The following CUL9 variants were observed in gnomAD, a reference collection of about 807,000 sequenced individuals.
The protein encoded by CUL9 is cullin 9, also known as cullin-9.
CUL9 carries 79 observed loss-of-function variants against 272.6 expected under a neutral mutation model. The ratio of observed to expected loss-of-function variants is 0.29; its 90% CI spans 0.24 to 0.35. The LOEUF (loss-of-function observed/expected upper bound fraction) is 0.35, where lower values mean the gene tolerates loss of function less well. Ranked by LOEUF, CUL9 falls within the 10% of genes least tolerant of loss-of-function variation. CUL9 has a pLI of 1.00. For synonymous variants in CUL9, 1,186 were observed against 1,286.5 expected, an observed-to-expected ratio of 0.92 and a Z score of 1.67; for missense variants, 2,532 against 3,255.6, an observed-to-expected ratio of 0.78 and a Z score of 5.41.
chr6:43,223,585 T>C lies in CUL9; in HGVS notation c.7284+188T>C. On this transcript the variant is annotated intron_variant, in intron 39 of 40. Coordinates refer to ENST00000252050, the MANE Select transcript of CUL9 (RefSeq NM_015089.4). The surrounding 1 kb of genome is among the most constrained non-coding windows in gnomAD (Gnocchi z 4.1). ...GCCTGATGCTGCTGGACCCTATCAC[T>C]TCACCTCCTGGGGATTCCTACAAAA... 1.4e-6 allele frequency: 1 copy of C among 694,426 alleles called. No individual in the cohort carries two copies. Among genetic ancestry groups the C allele is most frequent in the East Asian group, 2.7e-5 (1 of 36,428 alleles). The allele number at this position is 694,426 out of a possible 1,614,324, so 43.0% of individuals were successfully genotyped here. A position where few individuals can be genotyped will look rare whatever the true frequency, so the allele number is the denominator to read the frequency against.
chr6:43,217,221 G>A (rs1776010116), intron 31 of CUL9, among the ~76,000 whole-genome samples: 1 of 152,114 alleles, frequency 6.6e-6, no homozygotes, highest in East Asian at 1.9e-4. Context: ...GATGGGCATG[G>A]TGGTGCACAC....
In CUL9 at chr6:43,203,329, C is replaced by T; in HGVS notation, c.3850-88C>T. 1 of 1,594,798 alleles carries T rather than the reference C, an allele frequency of 6.3e-7. No homozygotes were observed. On this transcript the variant is annotated intron_variant, in intron 18 of 40. Coordinates refer to ENST00000252050, the MANE Select transcript of CUL9 (RefSeq NM_015089.4). The surrounding 1 kb of genome is among the most constrained non-coding windows in gnomAD (Gnocchi z 5.0). The stretch of plus-strand genomic sequence containing the variant: ...AGATGTGGGGATGTCCTGAGCAGTT[C>T]TAGGGAGCTCAGGGCAGGAGGCTTG...
chr6:43,198,833 A>G lies in CUL9; in HGVS notation c.3028A>G (p.Thr1010Ala). Residue 1010 changes from threonine (T) to alanine (A), a missense_variant, in exon 12 of 41, where the codon ACT (threonine) becomes GCT (alanine). Thr to Ala is a moderately conservative substitution (Grantham distance 58). This residue lies in a region of CUL9 where 2,218 missense variants were observed against 2,788.6 expected (regional missense o/e 0.80). Transcript: ENST00000252050. ...RTLDAPGPNK[T>A]LLLSVLRVIT... ...TCTGGATGCTCCGGGGCCCAACAAG[A>G]CTCTGCTGCTGTCTGTGCTGAGGTG... 1 of 1,612,760 alleles carries G rather than the reference A, an allele frequency of 6.2e-7. No homozygotes were observed. The highest frequency in any genetic ancestry group is 2.2e-5 in the East Asian group (1 of 44,836).
chr6:43,193,104 C>T lies in CUL9; in HGVS notation c.2284C>T (p.His762Tyr). The T allele has an allele frequency of 6.2e-7, 1 of 1,614,224 alleles. No homozygotes were observed. Among genetic ancestry groups the T allele is most frequent in the Non-Finnish European group, 8.5e-7 (1 of 1,180,042 alleles). ...LRLLYLLMTKHEWRPLFAREG... is the reference protein window; with the variant it reads ...LRLLYLLMTKYEWRPLFAREG... ...CCTCCTTTACCTGCTCATGACCAAG[C>T]ACGAGTGGCGGCCGCTCTTTGCCAG... The change falls in exon 9 of 41, where the codon CAC (histidine) becomes TAC (tyrosine). Residue 762 changes from histidine (H) to tyrosine (Y), a missense_variant. His to Tyr is a moderately conservative substitution (Grantham distance 83). Transcript: ENST00000252050.
intron 16 of CUL9, among the ~76,000 whole-genome samples, chr6:43,201,758 C>T (rs999119093): frequency 2.6e-5 from 4 of 152,178 alleles, no homozygotes; most frequent in African/African-American, 4.8e-5. Context: ...GGATTACAGG[C>T]GTGAACCACT....
intron 3 of CUL9, 46 bp downstream of exon 3, chr6:43,185,656 ATTAT>A (rs1562010381): frequency 6.4e-7 from 1 of 1,573,306 alleles, no homozygotes; most frequent in Non-Finnish European, 8.6e-7. Context: ...GGGCTAAGAC[ATTAT>A]TTATGAAAAC....
intron 8 of CUL9, among the ~76,000 whole-genome samples, 184 bp from the exon 9 acceptor site, chr6:43,192,817 G>C (rs1773648561): frequency 6.6e-6 from 1 of 152,218 alleles, no homozygotes; most frequent in South Asian, 2.1e-4. Flanking sequence ...GCCAGAGGCA[G>C]TTAGGCTGCA....
intron 11 of CUL9, among the ~76,000 whole-genome samples, chr6:43,197,760 G>T (rs1390123954): frequency 6.6e-6 from 1 of 152,220 alleles, no homozygotes. Flanking sequence ...GGGATTAGAG[G>T]CGTGAGCCAC....
At position 43,221,629 on chromosome 6, in the gene CUL9, C is replaced by G. The variant is rs1776373766; in HGVS notation, c.6753-56C>G. 6.5e-7 allele frequency: 1 copy of G among 1,527,104 alleles called. No homozygotes were observed. Among genetic ancestry groups the G allele is most frequent in the Non-Finnish European group, 9.0e-7 (1 of 1,107,956 alleles). 94.6% of individuals were successfully genotyped at this position (1,527,104 alleles called of 1,614,324 possible). ...GCGGTACATCTGGGCCCTTGGCATT[C>G]CTGGCACACCCCTGCCCAGAGGCAG... On this transcript the variant is annotated intron_variant, in intron 34 of 40. Coordinates refer to ENST00000252050, the MANE Select transcript of CUL9 (RefSeq NM_015089.4). The surrounding 1 kb of genome is among the most constrained non-coding windows in gnomAD (Gnocchi z 4.2).
intron 26 of CUL9, among the ~76,000 whole-genome samples, chr6:43,211,837 A>G (rs1394275597): frequency 6.6e-6 from 1 of 152,172 alleles, no homozygotes; most frequent in Non-Finnish European, 1.5e-5. Context: ...TCAAGTATTT[A>G]GAAATTTGCA....
chr6:43,194,715 A>G (rs1773845847), intron 9 of CUL9, among the ~76,000 whole-genome samples: 1 of 152,250 alleles, frequency 6.6e-6, no homozygotes, highest in South Asian at 2.1e-4. Context: ...AAATTACGTG[A>G]CCAAAACATA....
In CUL9 at chr6:43,221,363, G is replaced by A. The variant is rs115394590; in HGVS notation, c.6752+42G>A. The A allele has an allele frequency of 1.9e-6, 3 of 1,541,268 alleles. No individual in the cohort carries two copies. The highest frequency in any genetic ancestry group is 3.9e-5 in the Admixed American group (2 of 51,840). On this transcript the variant is annotated intron_variant, in intron 34 of 40. Transcript: ENST00000252050. This position sits in a 1 kb window ranked among gnomAD's most constrained non-coding sequence, Gnocchi z 4.2. ...TGTGGGGAGCCAGAGGGCAAGGAGG[G>A]GGGAGGAGGCCTGGCAGAAGGAGGG...
intron 26 of CUL9, among the ~76,000 whole-genome samples, chr6:43,207,499 A>G (rs1276435627): frequency 6.6e-6 from 1 of 152,106 alleles, no homozygotes; most frequent in African/African-American, 2.4e-5. Flanking sequence ...GTCATATTCC[A>G]TTGTATGGAT....
Position 43,198,766 on chromosome 6 carries a change from C to T in CUL9, c.2961C>T (p.Arg987=). 1 of 1,614,084 alleles carries T rather than the reference C, an allele frequency of 6.2e-7. No homozygotes were observed. The highest frequency in any genetic ancestry group is 8.5e-7 in the Non-Finnish European group (1 of 1,180,032). ...PGGAVRPLLK[R]LQQETQPFLL... Reference sequence around the variant, plus strand: ...GTGCCGTGAGGCCCCTCCTCAAGCGCCTCCAGCAGGAGACCCAGCCTTTCC... The same window carrying T: ...GTGCCGTGAGGCCCCTCCTCAAGCGTCTCCAGCAGGAGACCCAGCCTTTCC... The change falls in exon 12 of 41, where the codon CGC becomes CGT. Residue 987 remains arginine, a synonymous_variant. Coordinates refer to ENST00000252050, the MANE Select transcript of CUL9 (RefSeq NM_015089.4).
chr6:43,193,148 T>C lies in CUL9; in HGVS notation c.2328T>C (p.Ala776=), dbSNP rs759790474. The C allele has an allele frequency of 1.2e-5, 20 of 1,614,070 alleles. No homozygotes were observed. The highest frequency in any genetic ancestry group is 6.6e-5 in the South Asian group (6 of 91,086). ...TTGCCAGGGAGGGTGGCATCTATGC[T>C]GTGCTGGTCTGCATGCAAGAATATA... ...PLFAREGGIY[A]VLVCMQEYKT... is the part of the protein sequence containing the mutation. The change falls in exon 9 of 41, where the codon GCT becomes GCC. Residue 776 remains alanine (A), a synonymous_variant. Transcript: ENST00000252050.
chr6:43,213,732 G>GCAGTGGGGAGGCC lies in CUL9; in HGVS notation c.5509_5510insAGTGGGGAGGCCC (p.Pro1837GlnfsTer29). 1 of 1,613,512 alleles carries GCAGTGGGGAGGCC rather than the reference G, an allele frequency of 6.2e-7. No homozygotes were observed. Among genetic ancestry groups the GCAGTGGGGAGGCC allele is most frequent in the Non-Finnish European group, 8.5e-7 (1 of 1,179,966 alleles). On this transcript the variant is annotated frameshift_variant, in exon 29 of 41. Coordinates refer to ENST00000252050, the MANE Select transcript of CUL9 (RefSeq NM_015089.4). LOFTEE classifies it high-confidence loss of function. This position sits in a 1 kb window ranked among gnomAD's most constrained non-coding sequence, Gnocchi z 5.7. ...TTCCAGGTGTGCTGCGGCTTCATGA[G>GCAGTGGGGAGGCC]CCTGGGCCCCAGCGCAGTGGGGAGG...
chr6:43,204,596 C>T, intron 21 of CUL9, 57 bp downstream of exon 21: 1 of 1,604,838 alleles, frequency 6.2e-7, no homozygotes, highest in Non-Finnish European at 8.5e-7. Context: ...GTATCTGGCT[C>T]CCTCCTCCCT....
chr6:43,215,149 C>G lies in CUL9; in HGVS notation c.5759C>G (p.Ala1920Gly), dbSNP rs773794574. 6.2e-7 allele frequency: 1 copy of G among 1,614,172 alleles called. No individual in the cohort carries two copies. The highest frequency in any genetic ancestry group is 8.5e-7 in the Non-Finnish European group (1 of 1,180,036). ...GGCCACACTGTTGCTGGGGGTGTGGCCTGTACCAGTACAGATGTCCTCTCT... is the reference window on the plus strand; with the variant it reads ...GGCCACACTGTTGCTGGGGGTGTGGGCTGTACCAGTACAGATGTCCTCTCT... ...TLGHTVAGGV[A>G]CTSTDVLSCI... The change falls in exon 30 of 41, where the codon GCC becomes GGC. Residue 1920 changes from alanine to glycine, a missense_variant. Transcript: ENST00000252050.
rs1582442270 is a variant in CUL9, at chr6:43,222,407, C to G, written c.6921+17C>G. The G allele has an allele frequency of 6.2e-7, 1 of 1,609,422 alleles. No individual in the cohort carries two copies. The highest frequency in any genetic ancestry group is 8.5e-7 in the Non-Finnish European group (1 of 1,178,572). On this transcript the variant is annotated intron_variant, in intron 36 of 40. Coordinates refer to ENST00000252050, the MANE Select transcript of CUL9 (RefSeq NM_015089.4). ...CAGGCGCGGGTGAGTCGGGAGGAAACAGCGGGTAGATGCCTGCAGAAGCAG... is the reference window on the plus strand; with the variant it reads ...CAGGCGCGGGTGAGTCGGGAGGAAAGAGCGGGTAGATGCCTGCAGAAGCAG...
Sources: gnomAD v4.1 joint callset for allele counts (sites outside exome capture counted in the v4.1 genomes callset) on GRCh38, gnomAD v4.1.1 for gene constraint, gnomAD v4.1.1 regional missense constraint, Gnocchi (gnomAD v3.1) non-coding constraint, MANE v1.5 for transcripts, NCBI Gene and HGNC (gene_info 2026-07-23, HGNC 2026-07-21) for gene names.